Variants in USH2A observed in about 807,000 individuals in gnomAD.
The protein encoded by USH2A is usherin, also known as Usher syndrome 2A (autosomal recessive, mild).
USH2A carries 443 observed loss-of-function variants against 538.9 expected under a neutral mutation model. That is an observed-to-expected ratio of 0.82 (90% confidence interval 0.76 to 0.89). The LOEUF (loss-of-function observed/expected upper bound fraction) is 0.89. Among genes scored for constraint, USH2A ranks in the 40% least tolerant of loss-of-function variants. The pLI is 0.00. For synonymous variants in USH2A, 2,413 were observed against 2,273.5 expected (o/e 1.06, Z -1.75); for missense variants, 6,633 against 6,324.8 (o/e 1.05, Z -1.65).
chr1:216,235,486 T>C (rs2035790645), intron 13 of USH2A, among the ~76,000 whole-genome samples: 2 of 152,162 alleles, frequency 1.3e-5, no homozygotes, highest in South Asian at 4.1e-4. Flanking sequence ...GTTTTAGACA[T>C]GACAAATCTC....
intron 3 of USH2A, among the ~76,000 whole-genome samples, chr1:216,386,387 C>G (rs750074461): frequency 6.6e-6 from 1 of 151,064 alleles, no homozygotes; most frequent in Non-Finnish European, 1.5e-5. Flanking sequence ...GTCCAAGCTA[C>G]TCGGGAGGCT....
chr1:216,343,560 C>T (rs1273803037), intron 4 of USH2A, among the ~76,000 whole-genome samples: 1 of 149,332 alleles, frequency 6.7e-6, no homozygotes, highest in African/African-American at 2.5e-5. Context: ...TTTGACAATA[C>T]CATTAATAGA....
chr1:216,295,120 T>C (rs1359810596), intron 9 of USH2A, among the ~76,000 whole-genome samples: 1 of 151,866 alleles, frequency 6.6e-6, no homozygotes, highest in African/African-American at 2.4e-5. Context: ...GCAGCTTTTA[T>C]AGTATTGACT....
intron 4 of USH2A, among the ~76,000 whole-genome samples, chr1:216,356,639 A>G (rs1226194937): frequency 6.6e-6 from 1 of 152,064 alleles, no homozygotes. Context: ...TGTACATAGA[A>G]AGAGACATAT....
At chr1:216,239,206 T>C (rs911279493) in intron 13 of USH2A, among the ~76,000 whole-genome samples, 9 of 152,190 alleles carry the variant, frequency 5.9e-5, no homozygotes, top group Admixed American at 3.9e-4. Flanking sequence ...GCTCTTTTCG[T>C]GGGCTATGAA....
At chr1:215,722,803 G>A (rs186649532) in intron 61 of USH2A, among the ~76,000 whole-genome samples, 5 of 152,272 alleles carry the variant, frequency 3.3e-5, no homozygotes, top group East Asian at 3.9e-4. Flanking sequence ...TGGGCTTGAC[G>A]TTTTATAACC....
At chr1:216,396,753 A>G (rs1345344402) in intron 3 of USH2A, among the ~76,000 whole-genome samples, 1 of 152,176 alleles carries the variant, frequency 6.6e-6, no homozygotes, top group Non-Finnish European at 1.5e-5. Context: ...GGTGATGGTC[A>G]TTGTAACATG....
chr1:216,007,947 G>C (rs117329552), intron 32 of USH2A, among the ~76,000 whole-genome samples: 1 of 152,288 alleles, frequency 6.6e-6, no homozygotes, highest in East Asian at 1.9e-4. Flanking sequence ...TATATGTCTT[G>C]AAGACTGAAA....
Position 216,052,933 on chromosome 1 carries a change from G to A in USH2A, c.6050-4286C>T, listed in dbSNP as rs116151367. Among the ~76,000 whole-genome samples, 779 of 152,278 alleles carry A rather than the reference G, an allele frequency of 5.1e-3. 5 individuals are homozygous for A. Among genetic ancestry groups the A allele is most frequent in the African/African-American group, 0.017 (722 of 41,550 alleles). ...TTATCCTAATGGCTTTGCTTTAAGT[G>A]TCAGGGTTCTACTTAGATTAGGTAC... On this transcript the variant is annotated intron_variant, in intron 30 of 71. Coordinates refer to ENST00000307340, the MANE Select transcript of USH2A (RefSeq NM_206933.4).
At chr1:215,840,568 C>T (rs1663651190) in intron 46 of USH2A, among the ~76,000 whole-genome samples, 1 of 152,154 alleles carries the variant, frequency 6.6e-6, no homozygotes, top group South Asian at 2.1e-4. Context: ...TACCTACTGG[C>T]TTGAGTTATT....
At chr1:216,067,410 T>C (rs1571930891) in intron 30 of USH2A, among the ~76,000 whole-genome samples, 1 of 145,458 alleles carries the variant, frequency 6.9e-6, no homozygotes, top group East Asian at 2.0e-4. Flanking sequence ...GAACTTAAAG[T>C]ATAATTAAAA....
At chr1:215,834,169 T>C (rs951025758) in intron 47 of USH2A, among the ~76,000 whole-genome samples, 1 of 152,136 alleles carries the variant, frequency 6.6e-6, no homozygotes, top group African/African-American at 2.4e-5. Context: ...AGTTTATGAC[T>C]CAGCAATCCA....
intron 32 of USH2A, among the ~76,000 whole-genome samples, chr1:216,014,175 A>G (rs1668647782): frequency 6.6e-6 from 1 of 152,104 alleles, no homozygotes; most frequent in South Asian, 2.1e-4. Flanking sequence ...GTAAAACAGG[A>G]GGAAATGATG....
chr1:215,817,228 A>T (rs1391359031), intron 47 of USH2A, 33 bp from the exon 48 acceptor site: 1 of 1,605,430 alleles, frequency 6.2e-7, no homozygotes, highest in Non-Finnish European at 8.5e-7. Flanking sequence ...TACTTCTGAA[A>T]AGACACTATT....
intron 37 of USH2A, among the ~76,000 whole-genome samples, chr1:215,947,654 A>G (rs576550156): frequency 9.8e-5 from 15 of 152,346 alleles, no homozygotes; most frequent in African/African-American, 3.4e-4. Flanking sequence ...AGCTGATTTC[A>G]GAACAACTTA....
At chr1:216,325,625 A>C (rs1294539481) in intron 5 of USH2A, 26 bp from the exon 6 acceptor site, 7 of 1,607,664 alleles carry the variant, frequency 4.4e-6, no homozygotes, top group Non-Finnish European at 4.2e-6. Context: ...GGGAGACTGT[A>C]AGGACAAAGA....
intron 58 of USH2A, among the ~76,000 whole-genome samples, chr1:215,750,826 G>A (rs1041700582): frequency 2.0e-5 from 3 of 151,990 alleles, no homozygotes; most frequent in Non-Finnish European, 2.9e-5. Flanking sequence ...TTAGTAAAAT[G>A]AGCAAAACAA....
chr1:215,912,627 T>C (rs1193818266), intron 38 of USH2A, among the ~76,000 whole-genome samples: 1 of 151,586 alleles, frequency 6.6e-6, no homozygotes, highest in Non-Finnish European at 1.5e-5. Flanking sequence ...CATTTATCCT[T>C]TGAGTTACGA....
intron 21 of USH2A, among the ~76,000 whole-genome samples, chr1:216,157,132 A>T (rs1273503668): frequency 1.3e-5 from 2 of 152,172 alleles, no homozygotes. Context: ...TCGGCCTCCC[A>T]AAGTGCTGGA....
Sources: gnomAD v4.1 joint callset for allele counts (sites outside exome capture counted in the v4.1 genomes callset) on GRCh38, gnomAD v4.1.1 for gene constraint, MANE v1.5 for transcripts, NCBI Gene and HGNC (gene_info 2026-07-23, HGNC 2026-07-21) for gene names.